The following ARHGAP31 variants were observed in gnomAD, a reference collection of about 807,000 sequenced individuals.
ARHGAP31 encodes Rho GTPase activating protein 31.
In ARHGAP31, 34 loss-of-function variants were observed where a neutral mutation model predicts 113.9. That is an observed-to-expected ratio of 0.30 (90% CI 0.23 to 0.40). The LOEUF (loss-of-function observed/expected upper bound fraction) is 0.40. Ranked by LOEUF, ARHGAP31 falls within the 10% of genes least tolerant of loss-of-function variation. The pLI is 1.00. For synonymous variants in ARHGAP31, 650 were observed against 684.8 expected (o/e 0.95, Z 0.79); for missense variants, 1,548 against 1,767.1 (o/e 0.88, Z 2.22).
At chr3:119,398,566 C>T (rs546529307) in intron 8 of ARHGAP31, among the ~76,000 whole-genome samples, 1 of 152,368 alleles carries the variant, frequency 6.6e-6, no homozygotes, top group South Asian at 2.1e-4. Context: ...AAACCACACT[C>T]TTCCAAAAAG....
intron 10 of ARHGAP31, among the ~76,000 whole-genome samples, chr3:119,406,560 C>G (rs1044961087): frequency 6.6e-6 from 1 of 152,210 alleles, no homozygotes; most frequent in African/African-American, 2.4e-5. Flanking sequence ...TCTATAGAGT[C>G]CATAGCTTTG....
chr3:119,389,859 A>G (rs1021615839), intron 6 of ARHGAP31, among the ~76,000 whole-genome samples: 4 of 152,236 alleles, frequency 2.6e-5, no homozygotes, highest in Admixed American at 6.5e-5. Flanking sequence ...TTTAACTTAG[A>G]TCAGCTTCAC....
chr3:119,347,007 T>C (rs959525894), intron 1 of ARHGAP31, among the ~76,000 whole-genome samples: 2 of 152,208 alleles, frequency 1.3e-5, no homozygotes, highest in Admixed American at 1.3e-4. Flanking sequence ...GAGTGAATAC[T>C]TGGGGGCCGG....
At chr3:119,365,263 A>T in intron 1 of ARHGAP31, 53 bp from the exon 2 acceptor site, 2 of 1,453,676 alleles carry the variant, frequency 1.4e-6, no homozygotes, top group Non-Finnish European at 1.9e-6. Context: ...TCTTTAAAAG[A>T]CAGGCAGACT....
chr3:119,337,330 C>T (rs924657354), intron 1 of ARHGAP31, among the ~76,000 whole-genome samples: 4 of 152,152 alleles, frequency 2.6e-5, no homozygotes, highest in East Asian at 3.9e-4. Flanking sequence ...AAAGTTGGCG[C>T]GTCCAGAGTT....
chr3:119,351,731 CTCAT>C (rs1559976431), intron 1 of ARHGAP31, among the ~76,000 whole-genome samples: 1 of 152,160 alleles, frequency 6.6e-6, no homozygotes, highest in Non-Finnish European at 1.5e-5. Flanking sequence ...TTGCTTCTCT[CTCAT>C]TAATCTGCTC....
chr3:119,337,628 AGATTGGTCCGTTTTACAGAGTGCT>A (rs2079969285), intron 1 of ARHGAP31, among the ~76,000 whole-genome samples: 9 of 152,100 alleles, frequency 5.9e-5, no homozygotes, highest in South Asian at 4.2e-4. Context: ...TACAGAGTGC[AGATTGGTCCGTTTTACAGAGTGCT>A]GATTGGTCCG....
At chr3:119,353,489 TGG>T (rs1157559543) in intron 1 of ARHGAP31, among the ~76,000 whole-genome samples, 2 of 152,156 alleles carry the variant, frequency 1.3e-5, no homozygotes, top group Admixed American at 6.5e-5. Flanking sequence ...AGGATTGCAC[TGG>T]GTACAAATAA....
intron 1 of ARHGAP31, among the ~76,000 whole-genome samples, chr3:119,308,603 C>T (rs1456805192): frequency 6.6e-6 from 1 of 152,200 alleles, no homozygotes; most frequent in Non-Finnish European, 1.5e-5. Context: ...GTTAAGCCTG[C>T]TTGTATAATC....
At chr3:119,406,435 A>G (rs2080661297) in intron 10 of ARHGAP31, among the ~76,000 whole-genome samples, 1 of 152,258 alleles carries the variant, frequency 6.6e-6, no homozygotes, top group Non-Finnish European at 1.5e-5. Context: ...GCATAAATAC[A>G]AAATGATGTT....
intron 1 of ARHGAP31, among the ~76,000 whole-genome samples, chr3:119,344,186 G>A (rs181341471): frequency 6.6e-6 from 1 of 152,176 alleles, no homozygotes; most frequent in African/African-American, 2.4e-5. Context: ...AATACTGGGG[G>A]CATACTGATA....
intron 11 of ARHGAP31, 89 bp from the exon 12 acceptor site, chr3:119,413,767 C>T: frequency 6.3e-7 from 1 of 1,580,484 alleles, no homozygotes; most frequent in Non-Finnish European, 8.7e-7. Context: ...CAGGCTGGTG[C>T]TGTCAGTCCC....
intron 1 of ARHGAP31, among the ~76,000 whole-genome samples, chr3:119,310,263 GGA>G (rs1559962315): frequency 6.6e-6 from 1 of 152,218 alleles, no homozygotes; most frequent in Non-Finnish European, 1.5e-5. Context: ...GACTTGGCCT[GGA>G]AAAGCTTCCA....
intron 1 of ARHGAP31, among the ~76,000 whole-genome samples, chr3:119,361,102 G>T (rs2080202629): frequency 6.6e-6 from 1 of 152,190 alleles, no homozygotes; most frequent in African/African-American, 2.4e-5. Flanking sequence ...TGGGACAATA[G>T]TTTAAAGAAT....
chr3:119,402,291 G>A lies in ARHGAP31; in HGVS notation c.1539G>A (p.Pro513=), dbSNP rs753289468. 1.5e-5 allele frequency: 24 copies of A among 1,614,116 alleles called. No individual in the cohort carries two copies. The highest frequency in any genetic ancestry group is 1.6e-4 in the Middle Eastern group (1 of 6,084). ...STNSTPCRTP[P]KELQSLSSLE... ...ACAGCACGCCGTGCAGAACACCCCC[G>A]AAGGAGCTGCAGTCTCTTTCCAGCC... Residue 513 remains proline, a synonymous_variant, in exon 10 of 12, where the codon CCG becomes CCA. Coordinates refer to ENST00000264245, the MANE Select transcript of ARHGAP31 (RefSeq NM_020754.4).
intron 1 of ARHGAP31, among the ~76,000 whole-genome samples, chr3:119,358,375 G>A (rs985011524): frequency 2.0e-5 from 3 of 152,184 alleles, no homozygotes; most frequent in Admixed American, 2.0e-4. Flanking sequence ...TGGAAAATTG[G>A]AACCCTCATC....
chr3:119,368,430 A>C lies in ARHGAP31; in HGVS notation c.262A>C (p.Ile88Leu), dbSNP rs1462679989. Residue 88 changes from isoleucine to leucine, a missense_variant, in exon 3 of 12, where the codon ATC becomes CTC. Ile to Leu is a conservative substitution (Grantham distance 5). Transcript: ENST00000264245. ...DLTREVYLQD[I>L]HCVGSLCKLY... Reference sequence around the variant, plus strand: ...GACAAGGGAAGTGTACCTCCAGGACATCCACTGTGTGGGCTCGCTTTGCAA... The same window carrying C: ...GACAAGGGAAGTGTACCTCCAGGACCTCCACTGTGTGGGCTCGCTTTGCAA... The C allele has an allele frequency of 4.3e-6, 7 of 1,614,032 alleles. No individual in the cohort carries two copies. The highest frequency in any genetic ancestry group is 4.2e-6 in the Non-Finnish European group (5 of 1,180,010).
chr3:119,376,531 G>A (rs1023887980), intron 3 of ARHGAP31, among the ~76,000 whole-genome samples: 2 of 152,098 alleles, frequency 1.3e-5, no homozygotes, highest in South Asian at 4.1e-4. Context: ...TGTCCCCGCT[G>A]TCCCCAAAGC....
At chr3:119,412,063 C>T (rs1339464967) in intron 11 of ARHGAP31, among the ~76,000 whole-genome samples, 1 of 152,170 alleles carries the variant, frequency 6.6e-6, no homozygotes, top group Non-Finnish European at 1.5e-5. Context: ...CCGGCTGCCT[C>T]GCCCTGGGAC....
Sources: gnomAD v4.1 joint callset for allele counts (sites outside exome capture counted in the v4.1 genomes callset) on GRCh38, gnomAD v4.1.1 for gene constraint, MANE v1.5 for transcripts, NCBI Gene and HGNC (gene_info 2026-07-23, HGNC 2026-07-21) for gene names.